Variants in ZNF33B observed in about 807,000 individuals in gnomAD.
The protein encoded by ZNF33B is zinc finger protein 11b (KOX 2).
A neutral mutation model predicts 45.8 loss-of-function variants in ZNF33B; 29 were observed. The observed-to-expected ratio is 0.63, with a 90% CI of 0.47 to 0.86. The LOEUF is 0.86. Among genes scored for constraint, ZNF33B ranks in the 40% least tolerant of loss-of-function variants. The pLI is 0.00. For missense variants in ZNF33B, 831 were observed against 909.9 expected, an observed-to-expected ratio of 0.91 and a Z score of 1.12; for synonymous variants, 305 against 307.8, an observed-to-expected ratio of 0.99 and a Z score of 0.10.
chr10:42,608,384 G>C (rs1349845097), intron 4 of ZNF33B, among the ~76,000 whole-genome samples: 1 of 152,112 alleles, frequency 6.6e-6, no homozygotes, highest in African/African-American at 2.4e-5. Context: ...CATTCCACTT[G>C]AAAACAGTGG....
At chr10:42,637,263 T>C (rs531495304) in intron 1 of ZNF33B, among the ~76,000 whole-genome samples, 100 of 152,324 alleles carry the variant, frequency 6.6e-4, no homozygotes, top group African/African-American at 2.2e-3. Context: ...AAATGTATAA[T>C]GACAATATTG....
chr10:42,583,390 G>A, intron 1 of ZNF33B: 1 of 355,240 alleles, frequency 2.8e-6, no homozygotes, highest in East Asian at 6.6e-5. Context: ...TAAGTTTTCT[G>A]TCTGTGGTGC....
intron 4 of ZNF33B, among the ~76,000 whole-genome samples, chr10:42,617,191 C>A (rs1838364973): frequency 7.3e-6 from 1 of 136,290 alleles, no homozygotes; most frequent in Non-Finnish European, 1.5e-5. Context: ...GCAGCCTTGA[C>A]CTCCTGGGCT....
At chr10:42,606,770 T>A (rs1837875315) in intron 4 of ZNF33B, among the ~76,000 whole-genome samples, 1 of 147,054 alleles carries the variant, frequency 6.8e-6, no homozygotes, top group Non-Finnish European at 1.5e-5. Flanking sequence ...CTCCATGTTC[T>A]GCACATGTAT....
chr10:42,602,335 T>C (rs1466664347), intron 4 of ZNF33B, among the ~76,000 whole-genome samples: 4 of 151,968 alleles, frequency 2.6e-5, no homozygotes, highest in Non-Finnish European at 5.9e-5. Context: ...ATCTTCTGTG[T>C]CTCTACTTAA....
Position 42,591,517 on chromosome 10 carries a change from C to T in ZNF33B, c.*1096G>A, listed in dbSNP as rs984249767. Reference sequence around the variant, plus strand: ...TCTCTATTTAAATTGTTTCAGGACACGACAAACACCTGGGATGGGCCTGAT... The same window carrying T: ...TCTCTATTTAAATTGTTTCAGGACATGACAAACACCTGGGATGGGCCTGAT... On this transcript the variant is annotated 3_prime_UTR_variant, in exon 5 of 5. Transcript: ENST00000359467. 18 of 357,954 alleles carry T rather than the reference C, an allele frequency of 5.0e-5. No homozygotes were observed. Among genetic ancestry groups the T allele is most frequent in the African/African-American group, 2.0e-4 (9 of 45,518 alleles). The allele number at this position is 357,954 out of a possible 1,614,324, so 22.2% of individuals were successfully genotyped here.
chr10:42,618,151 G>A (rs1451963751), intron 4 of ZNF33B, among the ~76,000 whole-genome samples: 1 of 152,176 alleles, frequency 6.6e-6, no homozygotes, highest in Admixed American at 6.5e-5. Flanking sequence ...ACCAAGCGTA[G>A]GGGGCAGGAG....
At chr10:42,597,490 C>T (rs1388425412) in intron 4 of ZNF33B, among the ~76,000 whole-genome samples, 2 of 152,020 alleles carry the variant, frequency 1.3e-5, no homozygotes, top group African/African-American at 4.8e-5. Context: ...GATTTTCTGG[C>T]ACTCTTTTTG....
At position 42,634,375 on chromosome 10, in the gene ZNF33B, G is replaced by A. The variant is rs189917368; in HGVS notation, c.10-1936C>T. On this transcript the variant is annotated intron_variant, in intron 2 of 4. Coordinates refer to ENST00000359467, the MANE Select transcript of ZNF33B (RefSeq NM_006955.3). The stretch of plus-strand genomic sequence containing the variant: ...TGAGCTAAGATCGCACCACTGCACT[G>A]CAGCCTGGGCAACTCTGTCTCAAAA... Among the ~76,000 whole-genome samples the A allele has an allele frequency of 4.9e-3, 740 of 151,268 alleles. 2 individuals are homozygous for A. The highest frequency in any genetic ancestry group is 8.5e-3 in the Admixed American group (128 of 15,054).
chr10:42,638,165 G>A (rs571753652), intron 1 of ZNF33B, among the ~76,000 whole-genome samples: 3 of 152,374 alleles, frequency 2.0e-5, no homozygotes, highest in East Asian at 3.9e-4. Context: ...GCACATGGGC[G>A]TAAACACGCT....
intron 4 of ZNF33B, among the ~76,000 whole-genome samples, chr10:42,628,679 C>A (rs150034401): frequency 0.013 from 1,961 of 152,174 alleles, 41 homozygotes; most frequent in African/African-American, 0.045. Flanking sequence ...ACTTTATCAA[C>A]CTATGTTGTT....
At chr10:42,632,624 T>C (rs542051389) in intron 2 of ZNF33B, among the ~76,000 whole-genome samples, 185 bp from the exon 3 acceptor site, 3 of 152,360 alleles carry the variant, frequency 2.0e-5, no homozygotes, top group Admixed American at 6.5e-5. Flanking sequence ...GTTCCCACAA[T>C]GTACCTGGAA....
chr10:42,592,695 T>C lies in ZNF33B; in HGVS notation c.2255A>G (p.Asn752Ser). Reference sequence around the variant, plus strand: ...TTGAGAGAAGGTTTTCCTGCATGTGTTACATTCATAGGGCTTTTCCCCTGT... The same window carrying C: ...TTGAGAGAAGGTTTTCCTGCATGTGCTACATTCATAGGGCTTTTCCCCTGT... Reference protein sequence around the residue: ...SHTGEKPYECNTCRKTFSQKS... With the variant: ...SHTGEKPYECSTCRKTFSQKS... Residue 752 changes from asparagine (N) to serine (S), a missense_variant, in exon 5 of 5, where the codon AAC becomes AGC. By Grantham distance (46) the Asn-to-Ser change is conservative. Coordinates refer to ENST00000359467, the MANE Select transcript of ZNF33B (RefSeq NM_006955.3). 2.5e-6 allele frequency: 4 copies of C among 1,614,112 alleles called. No homozygotes were observed. The highest frequency in any genetic ancestry group is 3.4e-6 in the Non-Finnish European group (4 of 1,179,980).
intron 4 of ZNF33B, among the ~76,000 whole-genome samples, chr10:42,627,206 G>T (rs928135350): frequency 1.3e-5 from 2 of 152,148 alleles, no homozygotes; most frequent in South Asian, 2.1e-4. Context: ...GTTTCACCAT[G>T]TTGGCCAGGG....
chr10:42,636,817 G>T, intron 2 of ZNF33B, 103 bp downstream of exon 2: 1 of 1,522,260 alleles, frequency 6.6e-7, no homozygotes, highest in Middle Eastern at 1.7e-4. Context: ...GACAGAGCGA[G>T]ACTCCATGTC....
At position 42,594,706 on chromosome 10, in the gene ZNF33B, AC is replaced by A; in HGVS notation, c.251-8del. ...TGATCAGCTGTCCAGACTTCTACAA[AC>A]AAACAAAATTAATCTTACCATATAA... is the stretch of plus-strand genomic sequence containing the variant. On this transcript the variant is annotated splice_region_variant and splice_polypyrimidine_tract_variant and intron_variant, in intron 4 of 4. Coordinates refer to ENST00000359467, the MANE Select transcript of ZNF33B (RefSeq NM_006955.3). 1 of 1,542,888 alleles carries A rather than the reference AC, an allele frequency of 6.5e-7. No homozygotes were observed. The highest frequency in any genetic ancestry group is 2.3e-5 in the East Asian group (1 of 44,346).
At chr10:42,586,150 A>T (rs1205777609), downstream of ZNF33B, among the ~76,000 whole-genome samples, 7 of 121,528 alleles carry the variant, frequency 5.8e-5, no homozygotes, top group Admixed American at 9.4e-5. Flanking sequence ...TTTTCCTCAG[A>T]TTTTTTTTTT....
chr10:42,584,337 G>A (rs1388232804), downstream of ZNF33B, among the ~76,000 whole-genome samples: 1 of 152,142 alleles, frequency 6.6e-6, no homozygotes, highest in African/African-American at 2.4e-5. Context: ...GTCATCCTGA[G>A]CAAGGATCGC....
intron 4 of ZNF33B, among the ~76,000 whole-genome samples, chr10:42,622,198 A>C (rs562528365): frequency 6.6e-6 from 1 of 152,360 alleles, no homozygotes; most frequent in East Asian, 1.9e-4. Flanking sequence ...AGGCATAAAT[A>C]AAGGAAACAG....
Sources: gnomAD v4.1 joint callset for allele counts (sites outside exome capture counted in the v4.1 genomes callset) on GRCh38, gnomAD v4.1.1 for gene constraint, MANE v1.5 for transcripts, NCBI Gene and HGNC (gene_info 2026-07-23, HGNC 2026-07-21) for gene names.